The following KCNJ3 variants were observed in gnomAD, a reference collection of about 807,000 sequenced individuals.
KCNJ3 encodes potassium inwardly rectifying channel subfamily J member 3.
Under a neutral mutation model 39.2 loss-of-function variants are expected in KCNJ3, and 4 were observed. The observed-to-expected ratio is 0.10, with a 90% CI of 0.05 to 0.23. The LOEUF is 0.23. Ranked by LOEUF, KCNJ3 falls within the 10% of genes least tolerant of loss-of-function variation. KCNJ3 has a pLI of 1.00. For synonymous variants in KCNJ3, 230 were observed against 237.4 expected, an observed-to-expected ratio of 0.97 and a Z score of 0.29; for missense variants, 276 against 634.9, an observed-to-expected ratio of 0.43 and a Z score of 6.08.
At chr2:154,729,523 C>T (rs1228942393) in intron 2 of KCNJ3, among the ~76,000 whole-genome samples, 1 of 152,088 alleles carries the variant, frequency 6.6e-6, no homozygotes, top group African/African-American at 2.4e-5. Flanking sequence ...AAGTTTAACT[C>T]CTAGTTGATT....
chr2:154,779,392 C>T (rs1414107523), intron 2 of KCNJ3, among the ~76,000 whole-genome samples: 1 of 148,882 alleles, frequency 6.7e-6, no homozygotes, highest in Non-Finnish European at 1.5e-5. Context: ...GACTCAAATC[C>T]TTGGAGACTT....
At position 154,858,087 on chromosome 2, in the gene KCNJ3, TA is replaced by T. The variant is rs1343958690; in HGVS notation, c.*2775del. On this transcript the variant is annotated 3_prime_UTR_variant, in exon 3 of 3. Transcript: ENST00000295101. The stretch of plus-strand genomic sequence containing the variant: ...AAAATTACCTTATCTGAGTGAATGG[TA>T]TTTTTTTTATCTTTTCCACACATGC... 3 of 151,922 alleles carry T rather than the reference TA, an allele frequency of 2.0e-5. No homozygotes were observed. Among genetic ancestry groups the T allele is most frequent in the Non-Finnish European group, 4.4e-5 (3 of 67,970 alleles). The allele number at this position is 151,922 out of a possible 1,614,324, so 9.4% of individuals were successfully genotyped here.
At chr2:154,754,696 A>G (rs1233118643) in intron 2 of KCNJ3, among the ~76,000 whole-genome samples, 1 of 54,340 alleles carries the variant, frequency 1.8e-5, no homozygotes, top group East Asian at 0.031. Context: ...ATTAGCTTAC[A>G]GGATTTTTTT....
intron 2 of KCNJ3, among the ~76,000 whole-genome samples, chr2:154,767,403 T>C (rs1686153864): frequency 6.6e-6 from 1 of 152,170 alleles, no homozygotes; most frequent in Non-Finnish European, 1.5e-5. Flanking sequence ...TTCTCATTGT[T>C]CAATTCCCAA....
intron 2 of KCNJ3, among the ~76,000 whole-genome samples, chr2:154,821,133 C>A (rs1687165798): frequency 6.6e-6 from 1 of 152,264 alleles, no homozygotes; most frequent in Non-Finnish European, 1.5e-5. Flanking sequence ...GGCCCTCATG[C>A]CCTTTGCACA....
chr2:154,843,990 C>T (rs532893088), intron 2 of KCNJ3, among the ~76,000 whole-genome samples: 4 of 152,306 alleles, frequency 2.6e-5, no homozygotes, highest in East Asian at 1.9e-4. Context: ...CCATTGCTGG[C>T]GAGGAGCTGC....
At chr2:154,812,835 C>G (rs906023852) in intron 2 of KCNJ3, among the ~76,000 whole-genome samples, 1 of 151,994 alleles carries the variant, frequency 6.6e-6, no homozygotes, top group East Asian at 1.9e-4. Context: ...GTCAAATTGC[C>G]TGTGAATAAA....
At chr2:154,757,448 C>A (rs1685960894) in intron 2 of KCNJ3, among the ~76,000 whole-genome samples, 1 of 152,080 alleles carries the variant, frequency 6.6e-6, no homozygotes, top group Non-Finnish European at 1.5e-5. Context: ...TAAATTAATT[C>A]TGTGCCCTTT....
At position 154,735,374 on chromosome 2, in the gene KCNJ3, A is replaced by C. The variant is rs539717475; in HGVS notation, c.919+25555A>C. Among the ~76,000 whole-genome samples the C allele has an allele frequency of 3.2e-4, 49 of 151,378 alleles. No homozygotes were observed. The South Asian group carries it at 9.3e-3, about 29-fold the overall frequency. ...CGTGATCCGTCCGCCTCGGCATCCC[A>C]AAGTGTTGGGATTACAGGCGTGAGC... On this transcript the variant is annotated intron_variant, in intron 2 of 2. Coordinates refer to ENST00000295101, the MANE Select transcript of KCNJ3 (RefSeq NM_002239.4).
chr2:154,801,553 T>C (rs925633096), intron 2 of KCNJ3, among the ~76,000 whole-genome samples: 2 of 151,356 alleles, frequency 1.3e-5, no homozygotes, highest in Non-Finnish European at 2.9e-5. Flanking sequence ...TTCTTTCTTT[T>C]CTTTTCTTTC....
intron 2 of KCNJ3, among the ~76,000 whole-genome samples, chr2:154,722,474 G>A (rs1685278698): frequency 6.6e-6 from 1 of 152,182 alleles, no homozygotes. Context: ...GACCTCAAGT[G>A]TAAGAGAAGA....
chr2:154,713,235 T>A (rs936683655), intron 2 of KCNJ3, among the ~76,000 whole-genome samples: 1 of 152,146 alleles, frequency 6.6e-6, no homozygotes, highest in Non-Finnish European at 1.5e-5. Flanking sequence ...CCATAGTGGG[T>A]TGCATGTAGT....
At chr2:154,734,106 T>G (rs2105169378) in intron 2 of KCNJ3, among the ~76,000 whole-genome samples, 1 of 152,330 alleles carries the variant, frequency 6.6e-6, no homozygotes, top group East Asian at 1.9e-4. Flanking sequence ...TTAAATTTCC[T>G]TAATTTCAAA....
At chr2:154,800,738 T>A (rs1032146198) in intron 2 of KCNJ3, among the ~76,000 whole-genome samples, 2 of 152,176 alleles carry the variant, frequency 1.3e-5, no homozygotes, top group African/African-American at 4.8e-5. Flanking sequence ...CACCAAACAA[T>A]TATTTTCAGA....
chr2:154,770,539 A>G (rs1286519027), intron 2 of KCNJ3, among the ~76,000 whole-genome samples: 2 of 151,816 alleles, frequency 1.3e-5, no homozygotes, highest in African/African-American at 4.8e-5. Flanking sequence ...TTCCACTGTT[A>G]TTAGATGATT....
At chr2:154,825,709 G>T (rs867799830) in intron 2 of KCNJ3, among the ~76,000 whole-genome samples, 1 of 151,150 alleles carries the variant, frequency 6.6e-6, no homozygotes, top group Non-Finnish European at 1.5e-5. Flanking sequence ...CCCAAATACC[G>T]GGGACCACAG....
intron 2 of KCNJ3, among the ~76,000 whole-genome samples, chr2:154,754,500 C>T (rs1473814272): frequency 6.6e-6 from 1 of 152,204 alleles, no homozygotes; most frequent in Non-Finnish European, 1.5e-5. Flanking sequence ...GTCTCAAACT[C>T]CCGACCTCCG....
chr2:154,801,649 T>C (rs190112230), intron 2 of KCNJ3, among the ~76,000 whole-genome samples: 1 of 151,630 alleles, frequency 6.6e-6, no homozygotes, highest in African/African-American at 2.4e-5. Flanking sequence ...GACAGGTTGA[T>C]ACAGGGTCTC....
intron 2 of KCNJ3, among the ~76,000 whole-genome samples, chr2:154,785,257 A>G (rs56784511): frequency 0.25 from 38,679 of 152,114 alleles, 5,440 homozygotes; most frequent in Middle Eastern, 0.36. Flanking sequence ...ACAGAAATTG[A>G]TTCCTCACAG....
Sources: gnomAD v4.1 joint callset for allele counts (sites outside exome capture counted in the v4.1 genomes callset) on GRCh38, gnomAD v4.1.1 for gene constraint, MANE v1.5 for transcripts, NCBI Gene and HGNC (gene_info 2026-07-23, HGNC 2026-07-21) for gene names.